Variants in KCNIP4 observed in about 807,000 individuals in gnomAD.
KCNIP4 encodes the protein potassium voltage-gated channel interacting protein 4.
A neutral mutation model predicts 34.0 loss-of-function variants in KCNIP4; 12 were observed. The observed-to-expected ratio is 0.35, with a 90% CI of 0.23 to 0.57. The LOEUF is 0.57. Ranked by LOEUF, KCNIP4 falls within the 20% of genes least tolerant of loss-of-function variation. The pLI is 0.83. For missense variants in KCNIP4, 238 were observed against 311.7 expected (o/e 0.76, Z 1.78); for synonymous variants, 124 against 102.2 (o/e 1.21, Z -1.29).
At chr4:21,513,570 T>C (rs1734512016) in intron 1 of KCNIP4, among the ~76,000 whole-genome samples, 1 of 152,216 alleles carries the variant, frequency 6.6e-6, no homozygotes, top group African/African-American at 2.4e-5. Context: ...TTCAATGTAT[T>C]AAATAATCAT....
intron 1 of KCNIP4, among the ~76,000 whole-genome samples, chr4:21,627,224 T>C (rs1258724331): frequency 4.6e-5 from 7 of 152,146 alleles, no homozygotes; most frequent in Non-Finnish European, 7.4e-5. Context: ...CCTTTTCAGA[T>C]TTCTACACTG....
intron 1 of KCNIP4, among the ~76,000 whole-genome samples, chr4:21,793,510 G>A (rs942476018): frequency 1.3e-5 from 2 of 152,080 alleles, no homozygotes; most frequent in Non-Finnish European, 2.9e-5. Context: ...CACCCACCTC[G>A]ACCTCCCAGA....
chr4:21,547,350 TTTAA>T (rs1738229155), intron 1 of KCNIP4, among the ~76,000 whole-genome samples: 1 of 152,112 alleles, frequency 6.6e-6, no homozygotes, highest in Non-Finnish European at 1.5e-5. Flanking sequence ...TATGTTTAAA[TTTAA>T]TTAAACTAAA....
chr4:20,886,741 T>G (rs1725356304), intron 1 of KCNIP4, among the ~76,000 whole-genome samples: 1 of 152,180 alleles, frequency 6.6e-6, no homozygotes. Flanking sequence ...TAGCCAAAGT[T>G]GACTGATCCT....
intron 1 of KCNIP4, among the ~76,000 whole-genome samples, chr4:21,615,368 G>T (rs941774988): frequency 6.9e-6 from 1 of 145,902 alleles, no homozygotes; most frequent in African/African-American, 2.5e-5. Context: ...GTGAAACCCC[G>T]TCTCTACTAA....
intron 1 of KCNIP4, among the ~76,000 whole-genome samples, chr4:21,646,402 C>T (rs1471037690): frequency 2.0e-5 from 3 of 152,222 alleles, no homozygotes; most frequent in Non-Finnish European, 2.9e-5. Context: ...ATTAATGAGT[C>T]AATATTGTTG....
At chr4:20,999,387 A>C (rs1252829649) in intron 1 of KCNIP4, among the ~76,000 whole-genome samples, 1 of 151,102 alleles carries the variant, frequency 6.6e-6, no homozygotes, top group Non-Finnish European at 1.5e-5. Context: ...TAGAGCACCC[A>C]AAAAAGAGGG....
chr4:21,571,162 C>T (rs1740338166), intron 1 of KCNIP4, among the ~76,000 whole-genome samples: 1 of 152,170 alleles, frequency 6.6e-6, no homozygotes, highest in African/African-American at 2.4e-5. Context: ...CTGAGTGTTA[C>T]TTCTCCGCCT....
chr4:20,759,859 A>G (rs965591500), intron 3 of KCNIP4, among the ~76,000 whole-genome samples: 10 of 152,148 alleles, frequency 6.6e-5, no homozygotes, highest in African/African-American at 2.4e-4. Flanking sequence ...CATGTGAGAT[A>G]TTAACTGTAT....
chr4:20,761,473 G>C (rs1485864581), intron 3 of KCNIP4, among the ~76,000 whole-genome samples: 1 of 152,166 alleles, frequency 6.6e-6, no homozygotes, highest in Admixed American at 6.5e-5. Context: ...TTTGCAGTTA[G>C]ACCCTCTCAC....
chr4:21,055,316 T>C (rs1419941702), intron 1 of KCNIP4, among the ~76,000 whole-genome samples: 1 of 152,196 alleles, frequency 6.6e-6, no homozygotes, highest in African/African-American at 2.4e-5. Flanking sequence ...TGCATTGCTG[T>C]TGAAAAAGGC....
chr4:21,068,559 G>T (rs1232861094), intron 1 of KCNIP4, among the ~76,000 whole-genome samples: 1 of 152,112 alleles, frequency 6.6e-6, no homozygotes, highest in Admixed American at 6.6e-5. Flanking sequence ...AGTAGGGTGT[G>T]TGCACTGATT....
intron 1 of KCNIP4, among the ~76,000 whole-genome samples, chr4:21,925,676 C>A (rs1274251842): frequency 6.6e-6 from 1 of 152,096 alleles, no homozygotes; most frequent in Non-Finnish European, 1.5e-5. Flanking sequence ...TCATGAAGGT[C>A]TCTAGGAAAG....
intron 1 of KCNIP4, among the ~76,000 whole-genome samples, chr4:21,710,402 T>G (rs1486219741): frequency 6.6e-6 from 1 of 152,206 alleles, no homozygotes; most frequent in African/African-American, 2.4e-5. Context: ...TGCAGGGCTC[T>G]GACCTCCTCC....
At chr4:20,853,174 C>T (rs749736278) in intron 2 of KCNIP4, among the ~76,000 whole-genome samples, 2 of 151,958 alleles carry the variant, frequency 1.3e-5, no homozygotes, top group Non-Finnish European at 2.9e-5. Flanking sequence ...CGCATGGCCT[C>T]ATAGAAAAAG....
chr4:21,377,592 A>G (rs1721073950), intron 1 of KCNIP4, among the ~76,000 whole-genome samples: 1 of 152,172 alleles, frequency 6.6e-6, no homozygotes, highest in Non-Finnish European at 1.5e-5. Context: ...CAAAACTCAA[A>G]TGGTATAGGC....
At chr4:21,105,027 G>A (rs773697629) in intron 1 of KCNIP4, among the ~76,000 whole-genome samples, 10 of 151,756 alleles carry the variant, frequency 6.6e-5, no homozygotes, top group South Asian at 6.2e-4. Context: ...GTCAGGTAGC[G>A]TGATGCTTCC....
At chr4:20,834,553 A>T (rs1718815429) in intron 3 of KCNIP4, among the ~76,000 whole-genome samples, 1 of 152,226 alleles carries the variant, frequency 6.6e-6, no homozygotes, top group South Asian at 2.1e-4. Context: ...TGACATTGGA[A>T]GCATGAGAAG....
intron 1 of KCNIP4, among the ~76,000 whole-genome samples, chr4:21,089,317 G>A (rs190009215): frequency 1.4e-3 from 216 of 152,210 alleles, no homozygotes; most frequent in Non-Finnish European, 2.1e-3. Flanking sequence ...TTCTCTGGCC[G>A]TGTAAGATGT....
Sources: gnomAD v4.1 joint callset for allele counts (sites outside exome capture counted in the v4.1 genomes callset) on GRCh38, gnomAD v4.1.1 for gene constraint, MANE v1.5 for transcripts, NCBI Gene and HGNC (gene_info 2026-07-23, HGNC 2026-07-21) for gene names.